Variants in DOK1 observed in about 807,000 individuals in gnomAD.
DOK1 encodes Downstream of tyrosine kinase 1.
DOK1 carries 12 observed loss-of-function variants against 24.0 expected under a neutral mutation model. The ratio of observed to expected loss-of-function variants is 0.50; its 90% CI spans 0.32 to 0.81. The LOEUF is 0.81. Among genes scored for constraint, DOK1 ranks in the 30% least tolerant of loss-of-function variants. DOK1 has a pLI of 0.03. For missense variants in DOK1, 591 were observed against 620.7 expected (o/e 0.95, Z 0.51); for synonymous variants, 250 against 260.9 (o/e 0.96, Z 0.40).
Position 74,549,187 on chromosome 2 carries a change from C to T in DOK1, c.-358+15C>T. 3.2e-6 allele frequency: 2 copies of T among 628,862 alleles called. No individual in the cohort carries two copies. Among genetic ancestry groups the T allele is most frequent in the South Asian group, 2.6e-5 (1 of 38,748 alleles). The allele number at this position is 628,862 out of a possible 1,614,324, so 39.0% of individuals were successfully genotyped here. ...CCCCATTTCAGGTACTCCCTTGGGG[C>T]ACCTTTCGTGGTCCCACAAGATTTC... On this transcript the variant is annotated intron_variant, in intron 1 of 4. Coordinates refer to the DOK1 transcript ENST00000409429. The surrounding 1 kb of genome is among the most constrained non-coding windows in gnomAD (Gnocchi z 5.3).
upstream of DOK1, chr2:74,550,450 A>G: frequency 8.0e-7 from 1 of 1,251,334 alleles, no homozygotes; most frequent in South Asian, 1.4e-5. Context: ...CCACTTGGCC[A>G]TGATGATCCC....
At position 74,555,631 on chromosome 2, in the gene DOK1, G is replaced by C. The variant is rs1319926081; in HGVS notation, c.417G>C (p.Glu139Asp). Residue 139 changes from glutamate (E) to aspartate (D), a missense_variant, in exon 3 of 5, where the codon GAG (glutamate) becomes GAC (aspartate). Glu to Asp is a conservative substitution (Grantham distance 45). Coordinates refer to ENST00000233668, the MANE Select transcript of DOK1 (RefSeq NM_001381.5). The surrounding 1 kb of genome is among the most constrained non-coding windows in gnomAD (Gnocchi z 6.1). ...ACCCACCTAAGCTTTCTGCCCTGGA[G>C]ATGCTGGAGAACTCCTTGTACAGCC... is the stretch of plus-strand genomic sequence containing the variant. Reference protein sequence around the residue: ...TDNPPKLSALEMLENSLYSPT... With the variant: ...TDNPPKLSALDMLENSLYSPT... 4 of 1,614,188 alleles carry C rather than the reference G, an allele frequency of 2.5e-6. No homozygotes were observed. The South Asian group carries it at 4.4e-5, about 18-fold the overall frequency.
In DOK1 at chr2:74,556,672, C is replaced by A. The variant is rs138726521; in HGVS notation, c.1004C>A (p.Pro335His). 1 of 1,614,268 alleles carries A rather than the reference C, an allele frequency of 6.2e-7. No homozygotes were observed. The highest frequency in any genetic ancestry group is 8.5e-7 in the Non-Finnish European group (1 of 1,180,050). Reference sequence around the variant, plus strand: ...GGAGAGGGAGTACAACGGAAGAAACCTCTCTATTGGGACTTGTATGAGCAT... The same window carrying A: ...GGAGAGGGAGTACAACGGAAGAAACATCTCTATTGGGACTTGTATGAGCAT... Reference protein sequence around the residue: ...QAGEGVQRKKPLYWDLYEHAQ... With the variant: ...QAGEGVQRKKHLYWDLYEHAQ... The change falls in exon 5 of 5, where the codon CCT becomes CAT. Residue 335 changes from proline (P) to histidine (H), a missense_variant. Transcript: ENST00000233668. The surrounding 1 kb of genome is among the most constrained non-coding windows in gnomAD (Gnocchi z 4.1).
In DOK1 at chr2:74,549,590, G is replaced by T. The variant is rs778879699; in HGVS notation, c.-358+418G>T. The T allele has an allele frequency of 3.8e-6, 6 of 1,599,746 alleles. No individual in the cohort carries two copies. The South Asian group carries it at 6.7e-5, about 18-fold the overall frequency. On this transcript the variant is annotated intron_variant, in intron 1 of 4. Transcript: ENST00000409429. This position sits in a 1 kb window ranked among gnomAD's most constrained non-coding sequence, Gnocchi z 5.3. ...CTTGCAGGTGATGCTCTACCTGGGG[G>T]CGGGGCCACAAGCAGGGAAAGAATC...
chr2:74,552,304 G>C, upstream of DOK1: 2 of 1,585,290 alleles, frequency 1.3e-6, no homozygotes, highest in Middle Eastern at 1.8e-4. Context: ...TCTAGGATAT[G>C]CCTGGATCAT....
Position 74,555,440 on chromosome 2 carries a change from G to A in DOK1, c.347G>A (p.Arg116Gln), listed in dbSNP as rs1197389580. ...GCAGCCTGGGTGCAGACGCTGTGCC[G>A]AAACGCCTTTCCGGTGAGGAGCTGC... ...SSAAWVQTLCRNAFPKGSWTL... is the reference protein window; with the variant it reads ...SSAAWVQTLCQNAFPKGSWTL... The change falls in exon 2 of 5, where the codon CGA becomes CAA. Residue 116 changes from arginine to glutamine, a missense_variant. Physicochemically the swap from Arg to Gln is conservative, Grantham distance 43 (BLOSUM62 1). Transcript: ENST00000233668. The surrounding 1 kb of genome is among the most constrained non-coding windows in gnomAD (Gnocchi z 6.1). 1.9e-6 allele frequency: 3 copies of A among 1,609,294 alleles called. No homozygotes were observed. The highest frequency in any genetic ancestry group is 1.7e-5 in the Admixed American group (1 of 59,538).
At position 74,556,400 on chromosome 2, in the gene DOK1, A is replaced by G; in HGVS notation, c.732A>G (p.Ala244=). 6.2e-7 allele frequency: 1 copy of G among 1,614,086 alleles called. No individual in the cohort carries two copies. The highest frequency in any genetic ancestry group is 8.5e-7 in the Non-Finnish European group (1 of 1,180,016). ...QTAQGNDIFQ[A]VETAIHRQKA... is the part of the protein sequence containing the mutation. ...CACAGGGAAATGACATCTTCCAGGC[A>G]GTTGAGACTGCCATCCACCGGCAGA... The change falls in exon 5 of 5, where the codon GCA becomes GCG. Residue 244 remains alanine (A), a synonymous_variant. Transcript: ENST00000233668. This position sits in a 1 kb window ranked among gnomAD's most constrained non-coding sequence, Gnocchi z 4.1.
In DOK1 at chr2:74,555,343, C is replaced by A. The variant is rs1426248219; in HGVS notation, c.250C>A (p.Pro84Thr). The change falls in exon 2 of 5, where the codon CCC (proline) becomes ACC (threonine). Residue 84 changes from proline to threonine, a missense_variant. Coordinates refer to ENST00000233668, the MANE Select transcript of DOK1 (RefSeq NM_001381.5). The surrounding 1 kb of genome is among the most constrained non-coding windows in gnomAD (Gnocchi z 6.1). ...CGTCACCGTGGAGACCCCCCCTGAGCCCGGCGCCACTGCCTTCCGCCTGGA... is the reference window on the plus strand; with the variant it reads ...CGTCACCGTGGAGACCCCCCCTGAGACCGGCGCCACTGCCTTCCGCCTGGA... ...APVTVETPPE[P>T]GATAFRLDTA... The A allele has an allele frequency of 1.2e-6, 2 of 1,613,774 alleles. No individual in the cohort carries two copies. Among genetic ancestry groups the A allele is most frequent in the Admixed American group, 1.7e-5 (1 of 60,002 alleles).
chr2:74,556,817 C>G lies in DOK1; in HGVS notation c.1149C>G (p.Pro383=), dbSNP rs1335431139. 2 of 1,614,002 alleles carry G rather than the reference C, an allele frequency of 1.2e-6. No individual in the cohort carries two copies. The highest frequency in any genetic ancestry group is 3.3e-5 in the Admixed American group (2 of 60,000). ...PQGLYDLPRE[P]KDAWWCQARV... ...GCCTTTATGATCTGCCTCGGGAGCC[C>G]AAGGATGCATGGTGGTGCCAAGCTC... The change falls in exon 5 of 5, where the codon CCC becomes CCG. Residue 383 remains proline, a synonymous_variant. Coordinates refer to ENST00000233668, the MANE Select transcript of DOK1 (RefSeq NM_001381.5). The surrounding 1 kb of genome is among the most constrained non-coding windows in gnomAD (Gnocchi z 4.1).
upstream of DOK1, chr2:74,554,423 G>T: frequency 2.6e-6 from 1 of 379,628 alleles, no homozygotes. The surrounding 1 kb of genome is among the most constrained non-coding windows in gnomAD (Gnocchi z 4.9). Flanking sequence ...TGATGTCATG[G>T]CTTTCACTCT....
Position 74,549,626 on chromosome 2 carries a change from C to A in DOK1, c.-358+454C>A. The A allele has an allele frequency of 6.4e-7, 1 of 1,568,040 alleles. No homozygotes were observed. The highest frequency in any genetic ancestry group is 8.7e-7 in the Non-Finnish European group (1 of 1,150,562). The stretch of plus-strand genomic sequence containing the variant: ...AGCAGGGAAAGAATCCCAGTGGCAC[C>A]TTTCATGTGTCCCGCCGCCCTTAAG... On this transcript the variant is annotated intron_variant, in intron 1 of 4. Coordinates refer to the DOK1 transcript ENST00000409429. The surrounding 1 kb of genome is among the most constrained non-coding windows in gnomAD (Gnocchi z 5.3).
upstream of DOK1, among the ~76,000 whole-genome samples, chr2:74,553,285 C>A (rs539437634): frequency 6.6e-6 from 1 of 152,156 alleles, no homozygotes; most frequent in Non-Finnish European, 1.5e-5. Flanking sequence ...CCTAACCCAG[C>A]AGATTCCCAG....
Position 74,556,244 on chromosome 2 carries a change from C to A in DOK1, c.640-64C>A. The A allele has an allele frequency of 6.4e-7, 1 of 1,569,482 alleles. No individual in the cohort carries two copies. Among genetic ancestry groups the A allele is most frequent in the Non-Finnish European group, 8.7e-7 (1 of 1,155,416 alleles). ...TTCTTTGTAGATACCCTAACTAGTG[C>A]AGGCGTGTGACTCACTTCCTCTGAT... On this transcript the variant is annotated intron_variant, in intron 4 of 4. Coordinates refer to ENST00000233668, the MANE Select transcript of DOK1 (RefSeq NM_001381.5). The surrounding 1 kb of genome is among the most constrained non-coding windows in gnomAD (Gnocchi z 4.1).
At position 74,554,731 on chromosome 2, in the gene DOK1, G is replaced by A; in HGVS notation, c.-24G>A. The A allele has an allele frequency of 6.2e-7, 1 of 1,605,254 alleles. No individual in the cohort carries two copies. Among genetic ancestry groups the A allele is most frequent in the African/African-American group, 1.3e-5 (1 of 74,920 alleles). On this transcript the variant is annotated 5_prime_UTR_variant, in exon 1 of 5. Transcript: ENST00000233668. The surrounding 1 kb of genome is among the most constrained non-coding windows in gnomAD (Gnocchi z 4.9). ...CCGCCTCCCGCCGCAGGGCCAGGAA[G>A]CGCGGAAGGAACCGCCGGGGGCCAT... is the stretch of plus-strand genomic sequence containing the variant.
At chr2:74,554,515 G>A, upstream of DOK1, 1 of 566,752 alleles carries the variant, frequency 1.8e-6, no homozygotes. This position sits in a 1 kb window ranked among gnomAD's most constrained non-coding sequence, Gnocchi z 4.9. Context: ...GAGGACTTTC[G>A]GTGGAGCCAC....
upstream of DOK1, chr2:74,554,405 T>A: frequency 3.3e-6 from 1 of 302,312 alleles, no homozygotes; most frequent in South Asian, 4.3e-5. This position sits in a 1 kb window ranked among gnomAD's most constrained non-coding sequence, Gnocchi z 4.9. Flanking sequence ...CCCGGGGCGC[T>A]TTCGGGGTGA....
At chr2:74,553,354 C>T (rs987342080), upstream of DOK1, among the ~76,000 whole-genome samples, 1 of 152,222 alleles carries the variant, frequency 6.6e-6, no homozygotes, top group African/African-American at 2.4e-5. Flanking sequence ...CTCCCCAACA[C>T]GCAGGCTCTC....
At position 74,554,773 on chromosome 2, in the gene DOK1, G is replaced by C. The variant is rs942203972; in HGVS notation, c.19G>C (p.Glu7Gln). 6.2e-7 allele frequency: 1 copy of C among 1,613,774 alleles called. No individual in the cohort carries two copies. Among genetic ancestry groups the C allele is most frequent in the African/African-American group, 1.3e-5 (1 of 75,066 alleles). ...GGGGGCCATGGACGGAGCAGTGATG[G>C]AAGGGCCGCTTTTTTTGCAGAGTCA... MDGAVM[E>Q]GPLFLQSQRF... The change falls in exon 1 of 5, where the codon GAA becomes CAA. Residue 7 changes from glutamate (E) to glutamine (Q), a missense_variant. Glu to Gln is a conservative substitution (Grantham distance 29). Coordinates refer to ENST00000233668, the MANE Select transcript of DOK1 (RefSeq NM_001381.5). This position sits in a 1 kb window ranked among gnomAD's most constrained non-coding sequence, Gnocchi z 4.9.
Position 74,549,132 on chromosome 2 carries a change from C to T in DOK1, c.-398C>T. On this transcript the variant is annotated 5_prime_UTR_variant, in exon 1 of 5. Coordinates refer to the DOK1 transcript ENST00000409429. The surrounding 1 kb of genome is among the most constrained non-coding windows in gnomAD (Gnocchi z 5.3). ...GGAATCCGCCTGCCCGCCCAGGCGT[C>T]GGCCACGAGAGAGCGGGAGCCTCGC... is the stretch of plus-strand genomic sequence containing the variant. 2.5e-6 allele frequency: 1 copy of T among 392,520 alleles called. No individual in the cohort carries two copies. Among genetic ancestry groups the T allele is most frequent in the Non-Finnish European group, 4.4e-6 (1 of 225,870 alleles). The allele number at this position is 392,520 out of a possible 1,614,324, so 24.3% of individuals were successfully genotyped here.
Sources: allele counts gnomAD v4.1 joint callset (sites outside exome capture counted in the v4.1 genomes callset), GRCh38; gene constraint gnomAD v4.1.1; non-coding constraint Gnocchi (gnomAD v3.1); transcripts MANE v1.5; gene names NCBI Gene and HGNC (gene_info 2026-07-23, HGNC 2026-07-21).